The following LRP1B variants were observed in gnomAD, a reference collection of about 807,000 sequenced individuals.
LRP1B encodes LDL receptor related protein 1B, also known as low-density lipoprotein receptor-related protein 1B.
Under a neutral mutation model 556.6 loss-of-function variants are expected in LRP1B, and 217 were observed. That is an observed-to-expected ratio of 0.39 (90% CI 0.35 to 0.44). The LOEUF is 0.44. LRP1B is among the 20% of genes least tolerant of loss of function. The pLI is 1.00. For missense variants in LRP1B, 5,053 were observed against 5,620.8 expected (o/e 0.90, Z 3.23); for synonymous variants, 2,047 against 1,865.8 (o/e 1.10, Z -2.50).
chr2:142,003,062 C>T (rs1014032983), intron 1 of LRP1B, among the ~76,000 whole-genome samples: 1 of 152,176 alleles, frequency 6.6e-6, no homozygotes, highest in African/African-American at 2.4e-5. Flanking sequence ...ATATCAAAGG[C>T]TATCATGCAT....
intron 21 of LRP1B, among the ~76,000 whole-genome samples, chr2:140,916,794 T>C (rs2105247641): frequency 6.6e-6 from 1 of 152,294 alleles, no homozygotes; most frequent in Non-Finnish European, 1.5e-5. Context: ...TGACAATAGT[T>C]TCTTGTGAAT....
intron 18 of LRP1B, among the ~76,000 whole-genome samples, chr2:140,964,943 G>A (rs925382095): frequency 6.6e-6 from 1 of 152,112 alleles, no homozygotes. Flanking sequence ...GAAAGAGCAA[G>A]ACTCCAACTC....
At chr2:140,510,157 T>C (rs1689592595) in intron 51 of LRP1B, 101 bp from the exon 52 acceptor site, 1 of 1,324,640 alleles carries the variant, frequency 7.5e-7, no homozygotes, top group African/African-American at 1.5e-5. Flanking sequence ...AGAAGAATGT[T>C]GCTTATAAGG....
chr2:141,308,702 G>A (rs300350), intron 3 of LRP1B, among the ~76,000 whole-genome samples: 133,971 of 152,104 alleles, frequency 0.88, 59,190 homozygotes, highest in African/African-American at 0.95. Context: ...TTTTAGATAT[G>A]TAGAGTATCC....
At chr2:140,881,114 T>G (rs188846783) in intron 25 of LRP1B, among the ~76,000 whole-genome samples, 10 of 152,298 alleles carry the variant, frequency 6.6e-5, no homozygotes, top group African/African-American at 2.4e-4. Flanking sequence ...CTCAGCTTCC[T>G]TATATATTTT....
intron 67 of LRP1B, among the ~76,000 whole-genome samples, chr2:140,379,566 G>T (rs1486462267): frequency 6.6e-6 from 1 of 152,040 alleles, no homozygotes; most frequent in Non-Finnish European, 1.5e-5. Flanking sequence ...TTGGTGGCAG[G>T]CGCCTGTAAT....
chr2:141,176,328 T>A (rs760971833), intron 7 of LRP1B, among the ~76,000 whole-genome samples: 5 of 152,048 alleles, frequency 3.3e-5, no homozygotes, highest in African/African-American at 1.2e-4. Context: ...AATCCCCACA[T>A]TGCACAGGAG....
chr2:141,871,798 C>T (rs1698595810), intron 1 of LRP1B, among the ~76,000 whole-genome samples: 1 of 151,952 alleles, frequency 6.6e-6, no homozygotes, highest in Non-Finnish European at 1.5e-5. Flanking sequence ...AATCTCTCCA[C>T]TCACACTTCA....
chr2:140,912,083 AT>A (rs762619186), intron 21 of LRP1B, among the ~76,000 whole-genome samples: 3 of 151,668 alleles, frequency 2.0e-5, no homozygotes, highest in Non-Finnish European at 3.0e-5. Context: ...CTTCCTATTG[AT>A]TTTTTAGGGG....
intron 1 of LRP1B, among the ~76,000 whole-genome samples, chr2:142,036,719 C>T (rs893239735): frequency 1.3e-5 from 2 of 151,486 alleles, no homozygotes; most frequent in Non-Finnish European, 3.0e-5. Context: ...AAATATAGAG[C>T]TTCTAAATCT....
chr2:141,877,988 T>C (rs145185918), intron 1 of LRP1B, among the ~76,000 whole-genome samples: 1 of 152,074 alleles, frequency 6.6e-6, no homozygotes, highest in African/African-American at 2.4e-5. Context: ...CTCATACTTC[T>C]TGGCATATGT....
At chr2:140,234,053 GTGTT>G (rs773665551) in intron 90 of LRP1B, among the ~76,000 whole-genome samples, 1 of 151,200 alleles carries the variant, frequency 6.6e-6, no homozygotes, top group Non-Finnish European at 1.5e-5. Context: ...ATTTTGCCTA[GTGTT>G]TGTTTTCCTT....
intron 41 of LRP1B, among the ~76,000 whole-genome samples, chr2:140,625,946 G>A (rs915856084): frequency 1.2e-4 from 18 of 152,022 alleles, no homozygotes; most frequent in African/African-American, 3.6e-4. Context: ...AGCTTTATTC[G>A]CAATTGCCAA....
chr2:140,262,553 C>T (rs1681993525), intron 86 of LRP1B, among the ~76,000 whole-genome samples: 1 of 152,124 alleles, frequency 6.6e-6, no homozygotes, highest in Non-Finnish European at 1.5e-5. Flanking sequence ...CTTGTGGAAT[C>T]AACAGAACTT....
intron 1 of LRP1B, among the ~76,000 whole-genome samples, chr2:141,858,331 C>T (rs907711739): frequency 1.3e-5 from 2 of 152,190 alleles, no homozygotes; most frequent in Non-Finnish European, 2.9e-5. Context: ...TTTATTAACA[C>T]AGTTATTTCC....
chr2:140,644,516 A>G (rs546538571), intron 41 of LRP1B, among the ~76,000 whole-genome samples: 5 of 150,054 alleles, frequency 3.3e-5, no homozygotes, highest in African/African-American at 1.2e-4. Context: ...CTCCCACCTC[A>G]GTCTCCCAAG....
intron 2 of LRP1B, among the ~76,000 whole-genome samples, chr2:141,718,841 T>G (rs1227699442): frequency 6.6e-6 from 1 of 152,168 alleles, no homozygotes; most frequent in Non-Finnish European, 1.5e-5. Flanking sequence ...ATAATTTGCC[T>G]ACCTTCGTCA....
intron 66 of LRP1B, among the ~76,000 whole-genome samples, chr2:140,403,527 T>G (rs1684598313): frequency 6.6e-6 from 1 of 151,984 alleles, no homozygotes; most frequent in Non-Finnish European, 1.5e-5. Context: ...AGAAGGAACT[T>G]CAGAGCTTGA....
chr2:141,044,630 C>T (rs551639287), intron 11 of LRP1B, among the ~76,000 whole-genome samples: 65 of 152,012 alleles, frequency 4.3e-4, no homozygotes, highest in African/African-American at 1.5e-3. Context: ...AGACACTTCT[C>T]AAAAGAAGAC....
Sources: allele counts gnomAD v4.1 joint callset (sites outside exome capture counted in the v4.1 genomes callset), GRCh38; gene constraint gnomAD v4.1.1; transcripts MANE v1.5; gene names NCBI Gene and HGNC (gene_info 2026-07-23, HGNC 2026-07-21).